Variants in TFDP2 observed in about 807,000 individuals in gnomAD.
The protein encoded by TFDP2 is transcription factor Dp-2.
In TFDP2, 17 loss-of-function variants were observed where a neutral mutation model predicts 59.3. The ratio of observed to expected loss-of-function variants is 0.29; its 90% CI spans 0.20 to 0.43. The LOEUF (loss-of-function observed/expected upper bound fraction) is 0.43, where lower values mean the gene tolerates loss of function less well. Among genes scored for constraint, TFDP2 ranks in the 20% least tolerant of loss-of-function variants. The pLI is 1.00. For missense variants in TFDP2, 391 were observed against 528.8 expected, an observed-to-expected ratio of 0.74 and a Z score of 2.56; for synonymous variants, 180 against 194.7, an observed-to-expected ratio of 0.92 and a Z score of 0.63.
At chr3:142,110,689 C>T (rs2061623532) in intron 1 of TFDP2, among the ~76,000 whole-genome samples, 3 of 152,114 alleles carry the variant, frequency 2.0e-5, no homozygotes, top group Non-Finnish European at 4.4e-5. Flanking sequence ...CAGGGGCTCA[C>T]ACCTGTAATC....
intron 8 of TFDP2, among the ~76,000 whole-genome samples, chr3:141,973,093 GTATATATATATATATA>G (rs1553761666): frequency 9.7e-6 from 1 of 103,194 alleles, no homozygotes. Flanking sequence ...AAAGCTATGT[GTATATATATATATATA>G]TATATATATA....
At chr3:142,088,776 C>A (rs2060898346) in intron 3 of TFDP2, among the ~76,000 whole-genome samples, 1 of 151,570 alleles carries the variant, frequency 6.6e-6, no homozygotes, top group Non-Finnish European at 1.5e-5. Context: ...GTGCCCAGAC[C>A]AGCTATCTTT....
chr3:141,969,184 T>C (rs547936865), intron 9 of TFDP2, among the ~76,000 whole-genome samples: 1 of 101,306 alleles, frequency 9.9e-6, no homozygotes, highest in Admixed American at 1.2e-4. Context: ...ATATCTCATA[T>C]ATATGAGATA....
At chr3:141,965,468 A>C (rs111687413) in intron 9 of TFDP2, among the ~76,000 whole-genome samples, 1 of 148,056 alleles carries the variant, frequency 6.8e-6, no homozygotes, top group South Asian at 2.2e-4. Context: ...CTACATTCCA[A>C]CCTGGGCAAC....
At chr3:142,004,067 T>C (rs1944030673) in intron 4 of TFDP2, among the ~76,000 whole-genome samples, 2 of 152,206 alleles carry the variant, frequency 1.3e-5, no homozygotes, top group African/African-American at 2.4e-5. Flanking sequence ...TTTGCACCTA[T>C]AGTAGTGGCT....
At chr3:142,084,976 A>G (rs2060764940) in intron 3 of TFDP2, among the ~76,000 whole-genome samples, 2 of 152,122 alleles carry the variant, frequency 1.3e-5, no homozygotes, top group Admixed American at 6.5e-5. Context: ...GCCGGAGTGC[A>G]GTGGTGTGAT....
intron 3 of TFDP2, among the ~76,000 whole-genome samples, chr3:142,048,924 G>A (rs1435922463): frequency 1.3e-5 from 2 of 152,210 alleles, no homozygotes; most frequent in Non-Finnish European, 2.9e-5. Flanking sequence ...CTGAGTCTCC[G>A]TTTTATCCAC....
chr3:141,986,160 G>A (rs567135448), intron 6 of TFDP2, among the ~76,000 whole-genome samples: 62 of 152,298 alleles, frequency 4.1e-4, no homozygotes, highest in African/African-American at 1.4e-3. Flanking sequence ...ACAACATGAG[G>A]AAGAAAGCTT....
At chr3:142,065,132 A>C (rs1284407503) in intron 3 of TFDP2, among the ~76,000 whole-genome samples, 1 of 146,246 alleles carries the variant, frequency 6.8e-6, no homozygotes, top group African/African-American at 2.6e-5. Context: ...GCAGAATGGA[A>C]TTCTGTTTTC....
chr3:142,066,866 A>G lies in TFDP2; in HGVS notation c.82+26195T>C, dbSNP rs117822918. 5.6e-4 allele frequency among the ~76,000 whole-genome samples: 86 copies of G among 152,362 alleles called. 2 individuals carry two copies. In the East Asian group the frequency reaches 0.016, roughly 28 times the overall value. On this transcript the variant is annotated intron_variant, in intron 3 of 12. Coordinates refer to ENST00000489671, the MANE Select transcript of TFDP2 (RefSeq NM_001178139.2). The stretch of plus-strand genomic sequence containing the variant: ...AGGCTGATTTGACATATAAAAATCA[A>G]TCAATGTAATAATATACCATATTAA...
chr3:141,992,443 G>A (rs1168619205), intron 6 of TFDP2, among the ~76,000 whole-genome samples: 11 of 152,184 alleles, frequency 7.2e-5, no homozygotes, highest in Admixed American at 7.2e-4. Context: ...ACTGTTTGCA[G>A]TGCAGAGGTG....
chr3:142,070,330 A>T (rs1469964561), intron 3 of TFDP2, among the ~76,000 whole-genome samples: 1 of 151,700 alleles, frequency 6.6e-6, no homozygotes, highest in Non-Finnish European at 1.5e-5. Context: ...GTACAAGTAC[A>T]ATGGCACGAA....
In TFDP2 at chr3:142,101,874, A is replaced by G. The variant is rs531727799; in HGVS notation, c.-92-33T>C. 2.9e-5 allele frequency: 14 copies of G among 475,160 alleles called. No individual in the cohort carries two copies. The South Asian group carries it at 7.6e-4, about 26-fold the overall frequency. 29.4% of individuals were successfully genotyped at this position (475,160 alleles called of 1,614,324 possible). A position where few individuals can be genotyped will look rare whatever the true frequency, so the allele number is the denominator to read the frequency against. On this transcript the variant is annotated intron_variant, in intron 1 of 12. Coordinates refer to ENST00000489671, the MANE Select transcript of TFDP2 (RefSeq NM_001178139.2). ...AGGAAAACAGAGGGAATAGTAATGT[A>G]ATAATAATAATAGGCAACATTTATG...
At chr3:142,132,002 T>TAA (rs1472296993) in intron 1 of TFDP2, among the ~76,000 whole-genome samples, 1 of 69,820 alleles carries the variant, frequency 1.4e-5, no homozygotes, top group Admixed American at 1.6e-4. Flanking sequence ...AGACTCCGTC[T>TAA]CAAAAAAAAA....
chr3:141,996,347 T>G (rs950488868), intron 4 of TFDP2, among the ~76,000 whole-genome samples: 3 of 152,326 alleles, frequency 2.0e-5, no homozygotes, highest in South Asian at 4.1e-4. Flanking sequence ...TGGATAATTG[T>G]TGAAGCAACT....
intron 3 of TFDP2, among the ~76,000 whole-genome samples, chr3:142,073,462 C>CA (rs1271206588): frequency 1.7e-5 from 1 of 59,554 alleles, no homozygotes; most frequent in Non-Finnish European, 3.2e-5. Context: ...AAACAACCCC[C>CA]CCCCCCCCGC....
At chr3:141,956,937 C>A (rs1936752381) in intron 11 of TFDP2, among the ~76,000 whole-genome samples, 1 of 67,774 alleles carries the variant, frequency 1.5e-5, no homozygotes, top group African/African-American at 5.4e-5. Context: ...ACCACCCTGC[C>A]CCACCCCCCC....
intron 2 of TFDP2, among the ~76,000 whole-genome samples, chr3:142,099,695 A>G (rs1303011059): frequency 6.8e-6 from 1 of 146,318 alleles, no homozygotes; most frequent in Admixed American, 6.9e-5. Flanking sequence ...GCAAGACTCC[A>G]TTTCAAAAAA....
chr3:142,050,450 C>A (rs1947561342), intron 3 of TFDP2, among the ~76,000 whole-genome samples: 1 of 152,086 alleles, frequency 6.6e-6, no homozygotes, highest in African/African-American at 2.4e-5. Flanking sequence ...AATCCCAGCA[C>A]TTTAGGAGGC....
Sources: allele counts gnomAD v4.1 joint callset (sites outside exome capture counted in the v4.1 genomes callset), GRCh38; gene constraint gnomAD v4.1.1; transcripts MANE v1.5; gene names NCBI Gene and HGNC (gene_info 2026-07-23, HGNC 2026-07-21).